IKZF3: variants seen among roughly 807,000 people sequenced by gnomAD.
The protein encoded by IKZF3 is IKAROS family zinc finger 3.
In IKZF3, 10 loss-of-function variants were observed where a neutral mutation model predicts 49.0. The observed-to-expected ratio is 0.20, with a 90% CI of 0.13 to 0.35. The LOEUF (loss-of-function observed/expected upper bound fraction) is 0.35, where lower values mean the gene tolerates loss of function less well. IKZF3 is among the 10% of genes least tolerant of loss of function. The probability of loss-of-function intolerance (pLI) is 1.00; values close to 1 mark genes in which losing one functional copy is unlikely to be tolerated. For missense variants in IKZF3, 498 were observed against 664.8 expected (o/e 0.75, Z 2.76); for synonymous variants, 209 against 228.2 (o/e 0.92, Z 0.76).
chr17:39,785,910 C>T (rs981707527), intron 6 of IKZF3, among the ~76,000 whole-genome samples: 5 of 152,166 alleles, frequency 3.3e-5, no homozygotes, highest in Non-Finnish European at 5.9e-5. Flanking sequence ...CTTCAGCATA[C>T]ATAAATGCCT....
chr17:39,796,725 T>C (rs912432847), intron 3 of IKZF3, among the ~76,000 whole-genome samples: 4 of 150,998 alleles, frequency 2.6e-5, no homozygotes, highest in African/African-American at 9.7e-5. Flanking sequence ...ATTTTTTTTT[T>C]TTAGTAGAGA....
At chr17:39,804,904 T>G (rs1013871040) in intron 3 of IKZF3, among the ~76,000 whole-genome samples, 1 of 152,202 alleles carries the variant, frequency 6.6e-6, no homozygotes, top group African/African-American at 2.4e-5. Flanking sequence ...CTTTACATAC[T>G]CTGTCTCCTG....
In IKZF3 at chr17:39,766,100, A is replaced by G. The variant is rs1018574162; in HGVS notation, c.1220T>C (p.Val407Ala). ...QNHIYQQNHM[V>A]LSRARNGMPL... ...CATCCCATTGCGGGCCCGAGACAGGACCATGTGATTTTGCTGATAGATGTG... is the reference window on the plus strand; with the variant it reads ...CATCCCATTGCGGGCCCGAGACAGGGCCATGTGATTTTGCTGATAGATGTG... Residue 407 changes from valine (V) to alanine (A), a missense_variant, in exon 8 of 8, where the codon GTC (valine) becomes GCC (alanine). Coordinates refer to ENST00000346872, the MANE Select transcript of IKZF3 (RefSeq NM_012481.5). The G allele has an allele frequency of 1.2e-6, 2 of 1,613,888 alleles. No homozygotes were observed. Among genetic ancestry groups the G allele is most frequent in the African/African-American group, 2.7e-5 (2 of 74,862 alleles).
In IKZF3 at chr17:39,763,166, C is replaced by G. The variant is rs1035370791; in HGVS notation, c.*2624G>C. The G allele has an allele frequency of 6.6e-6, 1 of 152,216 alleles. No homozygotes were observed. Among genetic ancestry groups the G allele is most frequent in the African/African-American group, 2.4e-5 (1 of 41,458 alleles). The allele number at this position is 152,216 out of a possible 1,614,324, so 9.4% of individuals were successfully genotyped here. On this transcript the variant is annotated 3_prime_UTR_variant, in exon 8 of 8. Coordinates refer to ENST00000346872, the MANE Select transcript of IKZF3 (RefSeq NM_012481.5). ...ACTACACACCAAAATACATCCATTCCTTTAGCTGAAGTCTCAAACATGTTG... is the reference window on the plus strand; with the variant it reads ...ACTACACACCAAAATACATCCATTCGTTTAGCTGAAGTCTCAAACATGTTG...
intron 1 of IKZF3, among the ~76,000 whole-genome samples, chr17:39,857,962 TAAAAA>T (rs35840686): frequency 1.7e-5 from 2 of 117,098 alleles, no homozygotes; most frequent in Non-Finnish European, 3.8e-5. Context: ...TCTCAAAAAT[TAAAAA>T]AAAAAAAAAA....
chr17:39,861,504 A>C (rs1196479136), intron 1 of IKZF3, among the ~76,000 whole-genome samples: 1 of 152,174 alleles, frequency 6.6e-6, no homozygotes, highest in Non-Finnish European at 1.5e-5. Flanking sequence ...AATTTTGAAA[A>C]ATTATGTTCT....
chr17:39,848,746 C>T (rs1290501427), intron 1 of IKZF3, among the ~76,000 whole-genome samples: 3 of 152,112 alleles, frequency 2.0e-5, no homozygotes, highest in Non-Finnish European at 2.9e-5. Context: ...AGTGACATGA[C>T]GTAGCTCACT....
chr17:39,800,050 C>T (rs905995322), intron 3 of IKZF3, among the ~76,000 whole-genome samples: 1 of 152,256 alleles, frequency 6.6e-6, no homozygotes, highest in East Asian at 1.9e-4. Context: ...ACTGGCAACA[C>T]CCGTTCATTT....
intron 1 of IKZF3, among the ~76,000 whole-genome samples, chr17:39,851,720 T>A (rs1354973053): frequency 6.6e-6 from 1 of 152,190 alleles, no homozygotes; most frequent in African/African-American, 2.4e-5. Flanking sequence ...GTTCCATATA[T>A]TGATCTGGAA....
intron 3 of IKZF3, among the ~76,000 whole-genome samples, chr17:39,810,275 C>T (rs543856566): frequency 2.5e-4 from 38 of 152,302 alleles, no homozygotes; most frequent in African/African-American, 8.7e-4. Flanking sequence ...CTCTCTTATA[C>T]ATAGTGGACA....
rs940432354 is a variant in IKZF3 at position 39,762,095 on chromosome 17, A to AG, written c.*3694dup. The AG allele has an allele frequency of 2.0e-5, 3 of 152,244 alleles. No homozygotes were observed. Among genetic ancestry groups the AG allele is most frequent in the Admixed American group, 6.5e-5 (1 of 15,274 alleles). The allele number at this position is 152,244 out of a possible 1,614,324, so 9.4% of individuals were successfully genotyped here. A position where few individuals can be genotyped will look rare whatever the true frequency, so the allele number is the denominator to read the frequency against. On this transcript the variant is annotated 3_prime_UTR_variant, in exon 8 of 8. Transcript: ENST00000346872. ...ATAAGAGGCTGGTGGGAAATGAAGG[A>AG]GAGGGGCCTACAAGGCTCTTGTTCA... is the stretch of plus-strand genomic sequence containing the variant.
chr17:39,799,828 C>T (rs905960210), intron 3 of IKZF3, among the ~76,000 whole-genome samples: 1 of 152,124 alleles, frequency 6.6e-6, no homozygotes, highest in African/African-American at 2.4e-5. Context: ...TCCTTGATAC[C>T]CTTAACTAGA....
chr17:39,835,513 TC>T, intron 1 of IKZF3: 1 of 430,570 alleles, frequency 2.3e-6, no homozygotes, highest in South Asian at 1.7e-5. Context: ...ACGCAGGTCA[TC>T]CTGTGCTTCC....
At chr17:39,775,723 A>G (rs918996253) in intron 7 of IKZF3, among the ~76,000 whole-genome samples, 3 of 152,062 alleles carry the variant, frequency 2.0e-5, no homozygotes, top group African/African-American at 7.2e-5. Flanking sequence ...TCGGGAGTTC[A>G]AGACCAGCCT....
chr17:39,815,351 T>C lies in IKZF3; in HGVS notation c.163+14036A>G, dbSNP rs551625639. Among the ~76,000 whole-genome samples, 31 of 152,358 alleles carry C rather than the reference T, an allele frequency of 2.0e-4. No homozygotes were observed. In the South Asian group the frequency reaches 6.4e-3, roughly 32 times the overall value. The stretch of plus-strand genomic sequence containing the variant: ...CATTCTCTCTGAAATTGTTTGTGCA[T>C]GACAATTGCCTTGCTGGGATGACAT... On this transcript the variant is annotated intron_variant, in intron 3 of 7. Transcript: ENST00000346872.
At position 39,856,024 on chromosome 17, in the gene IKZF3, T is replaced by C. The variant is rs546108652; in HGVS notation, c.7+8096A>G. On this transcript the variant is annotated intron_variant, in intron 1 of 7. Coordinates refer to ENST00000346872, the MANE Select transcript of IKZF3 (RefSeq NM_012481.5). ...TGTACAATATAACATGTATATTGTA[T>C]ATGTACAATATAACATGTATATTGT... 2.5e-3 allele frequency among the ~76,000 whole-genome samples: 338 copies of C among 133,912 alleles called. 4 individuals carry two copies. The highest frequency in any genetic ancestry group is 0.01 in the Middle Eastern group (3 of 288). The allele number at this position is 133,912 out of a possible 152,430, so 87.9% of individuals were successfully genotyped here.
At chr17:39,802,908 T>A (rs1034170947) in intron 3 of IKZF3, among the ~76,000 whole-genome samples, 1 of 152,158 alleles carries the variant, frequency 6.6e-6, no homozygotes, top group African/African-American at 2.4e-5. Context: ...GTAAAAAGTT[T>A]CATTTGCAAA....
intron 1 of IKZF3, 30 bp from the exon 2 acceptor site, chr17:39,832,181 T>C: frequency 6.6e-7 from 1 of 1,523,670 alleles, no homozygotes; most frequent in Non-Finnish European, 9.1e-7. Context: ...AAATATTAGC[T>C]ACTTAGGGTA....
chr17:39,793,721 G>A (rs2061089696), intron 3 of IKZF3, among the ~76,000 whole-genome samples: 4 of 152,212 alleles, frequency 2.6e-5, no homozygotes, highest in Admixed American at 2.6e-4. Flanking sequence ...AATAGGACTG[G>A]ATAGGAGAGG....
Sources: allele counts gnomAD v4.1 joint callset (sites outside exome capture counted in the v4.1 genomes callset), GRCh38; gene constraint gnomAD v4.1.1; transcripts MANE v1.5; gene names NCBI Gene and HGNC (gene_info 2026-07-23, HGNC 2026-07-21).